The following TPT1 variants were observed in gnomAD, a reference collection of about 807,000 sequenced individuals.
TPT1 encodes tumor protein, translationally-controlled 1, also known as translationally-controlled tumor protein.
A neutral mutation model predicts 22.8 loss-of-function variants in TPT1; 5 were observed. The observed-to-expected ratio is 0.22, with a 90% CI of 0.11 to 0.46. The LOEUF is 0.46. TPT1 is among the 20% of genes least tolerant of loss of function. The probability of loss-of-function intolerance (pLI) is 0.99; values close to 1 mark genes in which losing one functional copy is unlikely to be tolerated. For synonymous variants in TPT1, 89 were observed against 73.6 expected (o/e 1.21, Z -1.07); for missense variants, 130 against 218.7 (o/e 0.59, Z 2.56).
chr13:45,338,891 T>C (rs1183760402), intron 4 of TPT1, 115 bp from the exon 5 acceptor site: 1 of 824,024 alleles, frequency 1.2e-6, no homozygotes, highest in Non-Finnish European at 1.9e-6. Flanking sequence ...AAAACTTCAG[T>C]ACCCAAAAGC....
intron 3 of TPT1, 139 bp downstream of exon 3, chr13:45,339,855 C>T: frequency 1.0e-6 from 1 of 984,234 alleles, no homozygotes; most frequent in Non-Finnish European, 1.5e-6. Context: ...AAAGCAACCA[C>T]TCTTTTCCGT....
Position 45,333,722 on chromosome 13 carries a change from C to T in TPT1, c.*3664G>A, listed in dbSNP as rs1224816335. 2.6e-5 allele frequency: 4 copies of T among 152,162 alleles called. No individual in the cohort carries two copies. Among genetic ancestry groups the T allele is most frequent in the Non-Finnish European group, 5.9e-5 (4 of 68,036 alleles). The allele number at this position is 152,162 out of a possible 1,614,324, so 9.4% of individuals were successfully genotyped here. A position where few individuals can be genotyped will look rare whatever the true frequency, so the allele number is the denominator to read the frequency against. On this transcript the variant is annotated 3_prime_UTR_variant, in exon 6 of 6. Coordinates refer to ENST00000530705, the MANE Select transcript of TPT1 (RefSeq NM_003295.4). ...CCATGTACCTGTATTGTATTTCATG[C>T]CTGCGACTGTTAGTCTCTTGAGTGC...
In TPT1 at chr13:45,336,413, A is replaced by T. The variant is rs960763995; in HGVS notation, c.*973T>A. On this transcript the variant is annotated 3_prime_UTR_variant, in exon 6 of 6. Coordinates refer to ENST00000530705, the MANE Select transcript of TPT1 (RefSeq NM_003295.4). ...TCTGTGGTGGAAACCATAGCAGCAG[A>T]TAGCAACTGCTCCAGGTCTGTCAAA... is the stretch of plus-strand genomic sequence containing the variant. 1 of 152,260 alleles carries T rather than the reference A, an allele frequency of 6.6e-6. No homozygotes were observed. The highest frequency in any genetic ancestry group is 1.5e-5 in the Non-Finnish European group (1 of 68,054). 9.4% of individuals were successfully genotyped at this position (152,260 alleles called of 1,614,324 possible).
Position 45,338,972 on chromosome 13 carries a change from A to G in TPT1, c.400-196T>C. The G allele has an allele frequency of 6.1e-6, 3 of 492,360 alleles. No individual in the cohort carries two copies. In the South Asian group the frequency reaches 1.1e-4, roughly 18 times the overall value. The allele number at this position is 492,360 out of a possible 1,614,324, so 30.5% of individuals were successfully genotyped here. A position where few individuals can be genotyped will look rare whatever the true frequency, so the allele number is the denominator to read the frequency against. ...CCTTAATAGTGACCTAAATAGAAAA[A>G]TAACGTACAGAGCAATCCAGGAACA... On this transcript the variant is annotated intron_variant, in intron 4 of 5. Coordinates refer to ENST00000530705, the MANE Select transcript of TPT1 (RefSeq NM_003295.4).
chr13:45,339,632 G>A (rs564663837), intron 3 of TPT1, 30 bp from the exon 4 acceptor site: 1 of 1,548,644 alleles, frequency 6.5e-7, no homozygotes, highest in Non-Finnish European at 8.8e-7. Flanking sequence ...ACAGGTTGAA[G>A]TATTGAATTT....
At chr13:45,340,680 G>GACTCCCCCACGCGCAGGCCCGA (rs1879048971) in intron 2 of TPT1, 32 bp downstream of exon 2, 1 of 1,561,052 alleles carries the variant, frequency 6.4e-7, no homozygotes. Flanking sequence ...GCTCGGCCCG[G>GACTCCCCCACGCGCAGGCCCGA]ACTCCCCCAC....
chr13:45,336,644 T>C lies in TPT1; in HGVS notation c.*742A>G, dbSNP rs1288660947. 6.6e-6 allele frequency: 1 copy of C among 152,280 alleles called. No individual in the cohort carries two copies. Among genetic ancestry groups the C allele is most frequent in the Non-Finnish European group, 1.5e-5 (1 of 68,104 alleles). The allele number at this position is 152,280 out of a possible 1,614,324, so 9.4% of individuals were successfully genotyped here. A position where few individuals can be genotyped will look rare whatever the true frequency, so the allele number is the denominator to read the frequency against. On this transcript the variant is annotated 3_prime_UTR_variant, in exon 6 of 6. Coordinates refer to ENST00000530705, the MANE Select transcript of TPT1 (RefSeq NM_003295.4). ...CAGTCAATCCATAAATGAATAAGCA[T>C]AGCCACGTTCCAATAAAACTGGACT...
intron 3 of TPT1, 116 bp from the exon 4 acceptor site, chr13:45,339,718 T>C: frequency 1.1e-6 from 1 of 944,898 alleles, no homozygotes; most frequent in Non-Finnish European, 1.6e-6. Flanking sequence ...AACCAGCTGT[T>C]AAGAAATTAC....
rs1253724647 is a variant in TPT1, at chr13:45,341,178, G to C, written c.-109C>G. 1.4e-6 allele frequency: 2 copies of C among 1,461,420 alleles called. No individual in the cohort carries two copies. Among genetic ancestry groups the C allele is most frequent in the Non-Finnish European group, 1.9e-6 (2 of 1,065,730 alleles). The allele number at this position is 1,461,420 out of a possible 1,614,324, so 90.5% of individuals were successfully genotyped here. A position where few individuals can be genotyped will look rare whatever the true frequency, so the allele number is the denominator to read the frequency against. Reference sequence around the variant, plus strand: ...GCTCGGGGGGAGGGGGGAGCGGGCGGAAAAGGCCGACTCAGCCGCTCCCCA... The same window carrying C: ...GCTCGGGGGGAGGGGGGAGCGGGCGCAAAAGGCCGACTCAGCCGCTCCCCA... On this transcript the variant is annotated 5_prime_UTR_variant, in exon 1 of 6. Coordinates refer to ENST00000530705, the MANE Select transcript of TPT1 (RefSeq NM_003295.4).
Position 45,341,082 on chromosome 13 carries a change from A to C in TPT1, c.-13T>G. 1 of 1,613,042 alleles carries C rather than the reference A, an allele frequency of 6.2e-7. No homozygotes were observed. On this transcript the variant is annotated 5_prime_UTR_variant, in exon 1 of 6. Coordinates refer to ENST00000530705, the MANE Select transcript of TPT1 (RefSeq NM_003295.4). ...GGTAGATAATCATGATGGCGACTGA[A>C]GGGAGACGACGACGGCGCTAGCTTA...
In TPT1 at chr13:45,335,838, A is replaced by G. The variant is rs1009662072; in HGVS notation, c.*1548T>C. On this transcript the variant is annotated 3_prime_UTR_variant, in exon 6 of 6. Transcript: ENST00000530705. ...TCCAATCACGGGGTGCTGGGGGTTA[A>G]CATTAGTATCTGCCTCAGGTTTTGG... 2.0e-5 allele frequency: 3 copies of G among 152,248 alleles called. No homozygotes were observed. The highest frequency in any genetic ancestry group is 7.2e-5 in the African/African-American group (3 of 41,430). 9.4% of individuals were successfully genotyped at this position (152,248 alleles called of 1,614,324 possible).
chr13:45,340,582 C>A (rs1232095013), intron 2 of TPT1, 130 bp downstream of exon 2: 1 of 1,166,964 alleles, frequency 8.6e-7, no homozygotes, highest in Non-Finnish European at 1.2e-6. Flanking sequence ...CTAGAAAAAC[C>A]CAAGCCCGGA....
intron 4 of TPT1, 175 bp downstream of exon 4, chr13:45,339,322 G>A (rs1294946604): frequency 2.4e-5 from 12 of 499,922 alleles, no homozygotes; most frequent in African/African-American, 4.0e-5. Flanking sequence ...ACTGAGAAAT[G>A]TCATCTGGGA....
At position 45,337,096 on chromosome 13, in the gene TPT1, A is replaced by C; in HGVS notation, c.*290T>G. ...AGTTAATTGATGAGTAGTAGCCTAC[A>C]ATCAGGCTCTAGCTTCTCCAGGAAC... On this transcript the variant is annotated 3_prime_UTR_variant, in exon 6 of 6. Transcript: ENST00000530705. 1 of 467,854 alleles carries C rather than the reference A, an allele frequency of 2.1e-6. No homozygotes were observed. The highest frequency in any genetic ancestry group is 3.8e-6 in the Non-Finnish European group (1 of 259,742). 29.0% of individuals were successfully genotyped at this position (467,854 alleles called of 1,614,324 possible). A position where few individuals can be genotyped will look rare whatever the true frequency, so the allele number is the denominator to read the frequency against.
chr13:45,339,626 G>C, intron 3 of TPT1, 24 bp from the exon 4 acceptor site: 4 of 1,558,972 alleles, frequency 2.6e-6, no homozygotes, highest in Non-Finnish European at 3.5e-6. Context: ...TCATTAACAG[G>C]TTGAAGTATT....
At chr13:45,337,716 CT>C (rs1878799930) in intron 5 of TPT1, 6 of 692,930 alleles carry the variant, frequency 8.7e-6, no homozygotes, top group South Asian at 6.8e-5. Context: ...TGAATAACCC[CT>C]TTGGTAAGTC....
intron 5 of TPT1, among the ~76,000 whole-genome samples, chr13:45,337,884 G>T (rs904720138): frequency 2.0e-5 from 3 of 152,132 alleles, no homozygotes; most frequent in Non-Finnish European, 4.4e-5. Context: ...TTCCATAGAA[G>T]ACACCAAGTT....
intron 2 of TPT1, 174 bp from the exon 3 acceptor site, chr13:45,340,358 G>A (rs906545231): frequency 2.2e-5 from 22 of 977,844 alleles, no homozygotes; most frequent in Non-Finnish European, 3.0e-5. Context: ...TAACTTAAAA[G>A]AGTTGTCTGT....
intron 5 of TPT1, 79 bp downstream of exon 5, chr13:45,338,581 A>G: frequency 6.4e-7 from 1 of 1,561,848 alleles, no homozygotes; most frequent in Non-Finnish European, 8.6e-7. Flanking sequence ...ACTCATTCTC[A>G]GTGTCACAAA....
Sources: gnomAD v4.1 joint callset for allele counts (sites outside exome capture counted in the v4.1 genomes callset) on GRCh38, gnomAD v4.1.1 for gene constraint, MANE v1.5 for transcripts, NCBI Gene and HGNC (gene_info 2026-07-23, HGNC 2026-07-21) for gene names.